The following ATP6V0A2 variants were observed in gnomAD, a reference collection of about 807,000 sequenced individuals.
ATP6V0A2 encodes the protein V-type proton ATPase 116 kDa subunit a 2.
A neutral mutation model predicts 104.4 loss-of-function variants in ATP6V0A2; 58 were observed. That is an observed-to-expected ratio of 0.56 (90% CI 0.45 to 0.69). The LOEUF (loss-of-function observed/expected upper bound fraction) is 0.69. Among genes scored for constraint, ATP6V0A2 ranks in the 30% least tolerant of loss-of-function variants. The probability of loss-of-function intolerance (pLI) is 0.00; values close to 1 mark genes in which losing one functional copy is unlikely to be tolerated. For synonymous variants in ATP6V0A2, 376 were observed against 397.9 expected (o/e 0.95, Z 0.65); for missense variants, 938 against 1,062.9 (o/e 0.88, Z 1.63).
chr12:123,741,159 C>T (rs1235466075), intron 9 of ATP6V0A2, among the ~76,000 whole-genome samples: 1 of 152,004 alleles, frequency 6.6e-6, no homozygotes, highest in Non-Finnish European at 1.5e-5. Context: ...AGGCTGGATG[C>T]GGTAACTCAC....
chr12:123,713,489 T>C (rs1956312038), intron 1 of ATP6V0A2, among the ~76,000 whole-genome samples: 1 of 152,160 alleles, frequency 6.6e-6, no homozygotes. Context: ...AACGCAGTCC[T>C]TGGCAGTCAT....
In ATP6V0A2 at chr12:123,754,044, T is replaced by C. The variant is rs1053296990; in HGVS notation, c.2176-376T>C. The C allele has an allele frequency of 1.5e-5, 5 of 324,870 alleles. No individual in the cohort carries two copies. The Admixed American group carries it at 2.2e-4, about 15-fold the overall frequency. The allele number at this position is 324,870 out of a possible 1,614,324, so 20.1% of individuals were successfully genotyped here. On this transcript the variant is annotated intron_variant, in intron 17 of 19. Coordinates refer to ENST00000330342, the MANE Select transcript of ATP6V0A2 (RefSeq NM_012463.4). ...AATCGCAGTCTACTCTTAGGGTTGG[T>C]GAATACCTATTTTATCAGTAGATGT...
rs201071260 is a variant in ATP6V0A2, at chr12:123,722,464, C to T, written c.294+16C>T. ...AGAAATGCAGGTAACTTGCTTCTGA[C>T]GAAGCTGGTTGCAGCCATTGATCTT... is the stretch of plus-strand genomic sequence containing the variant. On this transcript the variant is annotated intron_variant, in intron 3 of 19. Transcript: ENST00000330342. 9 of 1,505,526 alleles carry T rather than the reference C, an allele frequency of 6.0e-6. No homozygotes were observed. Among genetic ancestry groups the T allele is most frequent in the African/African-American group, 4.1e-5 (3 of 72,838 alleles). 93.3% of individuals were successfully genotyped at this position (1,505,526 alleles called of 1,614,324 possible). A position where few individuals can be genotyped will look rare whatever the true frequency, so the allele number is the denominator to read the frequency against.
rs1956687459 is a variant in ATP6V0A2, at chr12:123,748,797, TC to T, written c.1935+15del. On this transcript the variant is annotated intron_variant, in intron 15 of 19. Transcript: ENST00000330342. ...TTTACACAGGGCAGGTGAGTCATCT[TC>T]CCACCCTCATGAACTTAACGGAAGT... is the stretch of plus-strand genomic sequence containing the variant. 1 of 1,603,866 alleles carries T rather than the reference TC, an allele frequency of 6.2e-7. No homozygotes were observed. The highest frequency in any genetic ancestry group is 8.5e-7 in the Non-Finnish European group (1 of 1,170,932).
intron 2 of ATP6V0A2, 76 bp from the exon 3 acceptor site, chr12:123,722,275 G>C (rs1290428010): frequency 2.1e-6 from 2 of 968,992 alleles, no homozygotes; most frequent in Non-Finnish European, 3.3e-6. Flanking sequence ...GGGAAACATT[G>C]GGCTTTAAAA....
At chr12:123,735,746 G>T in intron 8 of ATP6V0A2, 122 bp downstream of exon 8, 1 of 903,090 alleles carries the variant, frequency 1.1e-6, no homozygotes, top group South Asian at 1.4e-5. Flanking sequence ...GTTCTAGTGA[G>T]ATTGGAATGT....
Position 123,726,153 on chromosome 12 carries a change from T to G in ATP6V0A2, c.433-44T>G, listed in dbSNP as rs551626311. On this transcript the variant is annotated intron_variant, in intron 4 of 19. Coordinates refer to ENST00000330342, the MANE Select transcript of ATP6V0A2 (RefSeq NM_012463.4). ...AAAATTTGACATGAGAAATAAAGTG[T>G]CACTTTTAATGAGACACACTTGGTT... 14 of 1,431,732 alleles carry G rather than the reference T, an allele frequency of 9.8e-6. 1 individual carries two copies. The Admixed American group carries it at 1.7e-4, about 17-fold the overall frequency. 88.7% of individuals were successfully genotyped at this position (1,431,732 alleles called of 1,614,324 possible). A position where few individuals can be genotyped will look rare whatever the true frequency, so the allele number is the denominator to read the frequency against.
intron 17 of ATP6V0A2, 106 bp from the exon 18 acceptor site, chr12:123,754,314 A>G: frequency 1.1e-6 from 1 of 878,090 alleles, no homozygotes; most frequent in East Asian, 2.4e-5. Context: ...ACCAGCATCC[A>G]GCCGGCAGCT....
At chr12:123,728,420 T>C (rs1956468626) in intron 6 of ATP6V0A2, among the ~76,000 whole-genome samples, 1 of 150,846 alleles carries the variant, frequency 6.6e-6, no homozygotes, top group Admixed American at 6.6e-5. Flanking sequence ...TTTTAACTTT[T>C]TATTTTTGGT....
intron 9 of ATP6V0A2, among the ~76,000 whole-genome samples, chr12:123,739,951 T>C (rs1186739060): frequency 6.6e-6 from 1 of 152,180 alleles, no homozygotes; most frequent in African/African-American, 2.4e-5. Flanking sequence ...TCTTTTTCTT[T>C]AAAGACCAGT....
intron 15 of ATP6V0A2, chr12:123,750,810 A>G: frequency 2.5e-6 from 1 of 404,180 alleles, no homozygotes; most frequent in Non-Finnish European, 4.7e-6. Flanking sequence ...TCTCATTTAC[A>G]GTGTTTACAG....
chr12:123,716,913 C>T (rs1025909343), intron 1 of ATP6V0A2, among the ~76,000 whole-genome samples: 3 of 152,192 alleles, frequency 2.0e-5, no homozygotes, highest in South Asian at 2.1e-4. Context: ...CCCCCACCCC[C>T]CCAGCACCCA....
At chr12:123,747,040 G>A (rs1232290083) in intron 13 of ATP6V0A2, among the ~76,000 whole-genome samples, 1 of 152,236 alleles carries the variant, frequency 6.6e-6, no homozygotes, top group Non-Finnish European at 1.5e-5. Context: ...CAATGAGTGG[G>A]GAAGTTACGG....
At chr12:123,732,468 G>T (rs936215886) in intron 6 of ATP6V0A2, 1 of 152,432 alleles carries the variant, frequency 6.6e-6, no homozygotes, top group Non-Finnish European at 1.5e-5. Context: ...CTGTGGAGCC[G>T]CACAATGGGC....
intron 15 of ATP6V0A2, among the ~76,000 whole-genome samples, chr12:123,749,052 G>A (rs1207961170): frequency 6.6e-6 from 1 of 152,184 alleles, no homozygotes; most frequent in Non-Finnish European, 1.5e-5. Context: ...CACTTTGAGA[G>A]ACCAAGGCTG....
At chr12:123,733,080 A>G (rs7397240) in intron 6 of ATP6V0A2, 87,761 of 151,934 alleles carry the variant, frequency 0.58, 26,166 homozygotes, top group East Asian at 0.94. Flanking sequence ...TCGGAGGCCG[A>G]GGCAGGTGGA....
intron 6 of ATP6V0A2, chr12:123,731,819 C>G (rs1438090817): frequency 1.3e-5 from 2 of 152,602 alleles, no homozygotes; most frequent in Middle Eastern, 3.3e-3. Flanking sequence ...CTCTCCTCCT[C>G]CTGCCATCCC....
In ATP6V0A2 at chr12:123,733,468, C is replaced by A. The variant is rs549266756; in HGVS notation, c.649-458C>A. 4 of 178,186 alleles carry A rather than the reference C, an allele frequency of 2.2e-5. No individual in the cohort carries two copies. The South Asian group carries it at 5.2e-4, about 23-fold the overall frequency. The allele number at this position is 178,186 out of a possible 1,614,324, so 11.0% of individuals were successfully genotyped here. A position where few individuals can be genotyped will look rare whatever the true frequency, so the allele number is the denominator to read the frequency against. On this transcript the variant is annotated intron_variant, in intron 6 of 19. Transcript: ENST00000330342. ...GCCCGAACGAAGTGTCCCTAACACA[C>A]GCCACATCTCTGTCAGGGACATCAC...
In ATP6V0A2 at chr12:123,715,848, A is replaced by G. The variant is rs144914892; in HGVS notation, c.118-2775A>G. On this transcript the variant is annotated intron_variant, in intron 1 of 19. Transcript: ENST00000330342. Reference sequence around the variant, plus strand: ...AAACATCCTAATCTGCTTTACACAGAAATCATGACTAACTTCCTAATTTTA... The same window carrying G: ...AAACATCCTAATCTGCTTTACACAGGAATCATGACTAACTTCCTAATTTTA... Among the ~76,000 whole-genome samples, 484 of 152,310 alleles carry G rather than the reference A, an allele frequency of 3.2e-3. 5 individuals are homozygous for G. Among genetic ancestry groups the G allele is most frequent in the African/African-American group, 0.011 (459 of 41,582 alleles).
Sources: allele counts gnomAD v4.1 joint callset (sites outside exome capture counted in the v4.1 genomes callset), GRCh38; gene constraint gnomAD v4.1.1; transcripts MANE v1.5; gene names NCBI Gene and HGNC (gene_info 2026-07-23, HGNC 2026-07-21).